Variants in PARD6G observed in about 807,000 individuals in gnomAD.
The protein encoded by PARD6G is partitioning defective 6 homolog gamma.
A neutral mutation model predicts 10.7 loss-of-function variants in PARD6G; 7 were observed. The ratio of observed to expected loss-of-function variants is 0.66; its 90% confidence interval spans 0.37 to 1.23. The LOEUF (loss-of-function observed/expected upper bound fraction) is 1.23. PARD6G is among the 50% of genes most tolerant of loss of function. The pLI is 0.02. For synonymous variants in PARD6G, 287 were observed against 269.4 expected (o/e 1.07, Z -0.64); for missense variants, 548 against 571.8 (o/e 0.96, Z 0.42).
At chr18:80,214,019 T>G (rs949764200) in intron 1 of PARD6G, among the ~76,000 whole-genome samples, 1 of 150,002 alleles carries the variant, frequency 6.7e-6, no homozygotes, top group African/African-American at 2.5e-5. Flanking sequence ...AAAAAGCCCA[T>G]GCAGAGGAAA....
intron 1 of PARD6G, among the ~76,000 whole-genome samples, chr18:80,242,574 C>T (rs1266502214): frequency 6.6e-6 from 1 of 152,362 alleles, no homozygotes; most frequent in South Asian, 2.1e-4. Context: ...ACAGGCTCCT[C>T]ATACCCTTGT....
rs1157633332 is a variant in PARD6G at position 80,201,440 on chromosome 18, C to T, written c.295+1270G>A. On this transcript the variant is annotated intron_variant, in intron 2 of 2. Coordinates refer to ENST00000353265, the MANE Select transcript of PARD6G (RefSeq NM_032510.4). This position sits in a 1 kb window ranked among gnomAD's most constrained non-coding sequence, Gnocchi z 5.9. Reference sequence around the variant, plus strand: ...CATGCAGAGACAGCGAGGGTCCTTGCCCCCAGCAACCCCGAAGGACTGATG... The same window carrying T: ...CATGCAGAGACAGCGAGGGTCCTTGTCCCCAGCAACCCCGAAGGACTGATG... Among the ~76,000 whole-genome samples the T allele has an allele frequency of 2.6e-5, 4 of 152,164 alleles. No homozygotes were observed. In the East Asian group the frequency reaches 7.7e-4, roughly 29 times the overall value.
At chr18:80,198,300 C>T (rs1308489871) in intron 2 of PARD6G, among the ~76,000 whole-genome samples, 1 of 152,124 alleles carries the variant, frequency 6.6e-6, no homozygotes, top group Non-Finnish European at 1.5e-5. Flanking sequence ...CTCAAAATAA[C>T]GTTCCTAAAG....
intron 1 of PARD6G, among the ~76,000 whole-genome samples, chr18:80,240,934 C>G (rs1967483050): frequency 6.6e-6 from 1 of 152,184 alleles, no homozygotes; most frequent in Non-Finnish European, 1.5e-5. Context: ...AGCACATGCC[C>G]TATGCCTGCC....
At chr18:80,226,556 C>T (rs894879274) in intron 1 of PARD6G, among the ~76,000 whole-genome samples, 31 of 152,168 alleles carry the variant, frequency 2.0e-4, no homozygotes, top group African/African-American at 7.0e-4. Context: ...AATGGTAGCA[C>T]ACTACCAACA....
At chr18:80,211,466 C>T (rs921087268) in intron 1 of PARD6G, among the ~76,000 whole-genome samples, 5 of 152,152 alleles carry the variant, frequency 3.3e-5, no homozygotes, top group East Asian at 1.9e-4. Flanking sequence ...CTGGTGATAA[C>T]GTAAAGCAGT....
chr18:80,207,033 A>T (rs191767414), intron 1 of PARD6G, among the ~76,000 whole-genome samples: 66 of 148,524 alleles, frequency 4.4e-4, no homozygotes, highest in African/African-American at 1.5e-3. Flanking sequence ...TAAATGAAAG[A>T]TTCTTCCGAT....
intron 2 of PARD6G, among the ~76,000 whole-genome samples, chr18:80,167,074 C>A (rs1220072936): frequency 2.6e-5 from 4 of 152,128 alleles, no homozygotes; most frequent in Non-Finnish European, 5.9e-5. Context: ...AATGGCCAAT[C>A]AAAACAGTGA....
chr18:80,207,680 T>C (rs951140307), intron 1 of PARD6G, among the ~76,000 whole-genome samples: 7 of 152,224 alleles, frequency 4.6e-5, no homozygotes, highest in African/African-American at 1.7e-4. Context: ...CACACTGTTA[T>C]GCACCCACTC....
intron 2 of PARD6G, chr18:80,169,953 G>T (rs149759760): frequency 6.6e-6 from 1 of 152,358 alleles, no homozygotes; most frequent in African/African-American, 2.4e-5. Context: ...GGGAGAGCAC[G>T]TCTCCGTCCC....
Position 80,234,850 on chromosome 18 carries a change from T to G in PARD6G, c.72+12427A>C, listed in dbSNP as rs1408579397. On this transcript the variant is annotated intron_variant, in intron 1 of 2. Coordinates refer to ENST00000353265, the MANE Select transcript of PARD6G (RefSeq NM_032510.4). ...GCACCCAATACAGGAGCACCCAGATTCATAAAGCAAGTCCTTAGAGACCTA... is the reference window on the plus strand; with the variant it reads ...GCACCCAATACAGGAGCACCCAGATGCATAAAGCAAGTCCTTAGAGACCTA... Among the ~76,000 whole-genome samples the G allele has an allele frequency of 2.0e-5, 3 of 152,108 alleles. No homozygotes were observed. The South Asian group carries it at 6.2e-4, about 32-fold the overall frequency.
chr18:80,214,983 G>C (rs1394575246), intron 1 of PARD6G, among the ~76,000 whole-genome samples: 1 of 151,546 alleles, frequency 6.6e-6, no homozygotes, highest in Admixed American at 6.6e-5. Context: ...CATTCCTCTT[G>C]TATAAGAGAT....
At chr18:80,172,444 T>C (rs2052783757) in intron 2 of PARD6G, among the ~76,000 whole-genome samples, 1 of 151,470 alleles carries the variant, frequency 6.6e-6, no homozygotes, top group African/African-American at 2.4e-5. Context: ...AGTGAGGTGA[T>C]CTCAGCTCAC....
chr18:80,237,824 G>A (rs1268831981), intron 1 of PARD6G, among the ~76,000 whole-genome samples: 1 of 152,066 alleles, frequency 6.6e-6, no homozygotes, highest in Non-Finnish European at 1.5e-5. Flanking sequence ...TTAGAATGGT[G>A]ATCATTAAAA....
At chr18:80,237,558 C>T (rs9675716) in intron 1 of PARD6G, among the ~76,000 whole-genome samples, 25,856 of 152,066 alleles carry the variant, frequency 0.17, 2,776 homozygotes, top group East Asian at 0.42. Context: ...TCAGAGTGAA[C>T]AGGTAACCTA....
Position 80,161,765 on chromosome 18 carries a change from T to C in PARD6G, c.296-1159A>G, listed in dbSNP as rs868614522. Reference sequence around the variant, plus strand: ...TCTTTGCTTTGCCAGTGAAAGCCAGTAGGACCGGGAGCCCAGGCAGAAGCA... The same window carrying C: ...TCTTTGCTTTGCCAGTGAAAGCCAGCAGGACCGGGAGCCCAGGCAGAAGCA... On this transcript the variant is annotated intron_variant, in intron 2 of 2. Coordinates refer to ENST00000353265, the MANE Select transcript of PARD6G (RefSeq NM_032510.4). The surrounding 1 kb of genome is among the most constrained non-coding windows in gnomAD (Gnocchi z 4.6). 6.6e-6 allele frequency: 1 copy of C among 152,164 alleles called. No homozygotes were observed. Among genetic ancestry groups the C allele is most frequent in the Non-Finnish European group, 1.5e-5 (1 of 68,078 alleles). The allele number at this position is 152,164 out of a possible 1,614,324, so 9.4% of individuals were successfully genotyped here.
chr18:80,160,421 G>A lies in PARD6G; in HGVS notation c.481C>T (p.Leu161=), dbSNP rs1274678019. ...LVPETHRRVR[L]HRHGCEKPLG... Reference sequence around the variant, plus strand: ...GGCTTCTCGCAGCCGTGCCGGTGCAGCCGCACTCGCCGGTGCGTCTCGGGG... The same window carrying A: ...GGCTTCTCGCAGCCGTGCCGGTGCAACCGCACTCGCCGGTGCGTCTCGGGG... Residue 161 remains leucine (L), a synonymous_variant, in exon 3 of 3, where the codon CTG becomes TTG. Transcript: ENST00000353265. 3.1e-6 allele frequency: 5 copies of A among 1,593,342 alleles called. No individual in the cohort carries two copies. Among genetic ancestry groups the A allele is most frequent in the South Asian group, 1.1e-5 (1 of 89,166 alleles).
At chr18:80,160,721 C>T (rs1001164716) in intron 2 of PARD6G, 115 bp from the exon 3 acceptor site, 2 of 1,395,792 alleles carry the variant, frequency 1.4e-6, no homozygotes, top group Non-Finnish European at 9.3e-7. Context: ...ACCCAGGGTG[C>T]ACAGGAGCAT....
chr18:80,182,948 C>G lies in PARD6G; in HGVS notation c.295+19762G>C. The G allele has an allele frequency of 1.6e-6, 1 of 615,274 alleles. No homozygotes were observed. Among genetic ancestry groups the G allele is most frequent in the Non-Finnish European group, 2.9e-6 (1 of 342,842 alleles). 38.1% of individuals were successfully genotyped at this position (615,274 alleles called of 1,614,324 possible). ...CCACAACACTGCAGGCCCCACACCA[C>G]GCAGCCAGACGCCCCTCCCAGTCCT... On this transcript the variant is annotated intron_variant, in intron 2 of 2. Coordinates refer to ENST00000353265, the MANE Select transcript of PARD6G (RefSeq NM_032510.4). The surrounding 1 kb of genome is among the most constrained non-coding windows in gnomAD (Gnocchi z 4.5).
Sources: gnomAD v4.1 joint callset for allele counts (sites outside exome capture counted in the v4.1 genomes callset) on GRCh38, gnomAD v4.1.1 for gene constraint, Gnocchi (gnomAD v3.1) non-coding constraint, MANE v1.5 for transcripts, NCBI Gene and HGNC (gene_info 2026-07-23, HGNC 2026-07-21) for gene names.